PDE3B: variants seen among roughly 807,000 people sequenced by gnomAD.
PDE3B encodes the protein phosphodiesterase 3B.
PDE3B carries 66 observed loss-of-function variants against 116.8 expected under a neutral mutation model. That is an observed-to-expected ratio of 0.56 (90% CI 0.46 to 0.69). The LOEUF (loss-of-function observed/expected upper bound fraction) is 0.69, where lower values mean the gene tolerates loss of function less well. Ranked by LOEUF, PDE3B falls within the 30% of genes least tolerant of loss-of-function variation. The pLI is 0.00. For synonymous variants in PDE3B, 595 were observed against 533.6 expected (o/e 1.12, Z -1.59); for missense variants, 1,384 against 1,368.1 (o/e 1.01, Z -0.18).
At chr11:14,703,081 G>A (rs1353111946) in intron 1 of PDE3B, among the ~76,000 whole-genome samples, 1 of 151,886 alleles carries the variant, frequency 6.6e-6, no homozygotes, top group Admixed American at 6.6e-5. Context: ...TTGACTGAAT[G>A]TGGTGGAGGG....
intron 1 of PDE3B, among the ~76,000 whole-genome samples, chr11:14,752,380 T>G: frequency 6.6e-6 from 1 of 152,252 alleles, no homozygotes; most frequent in Admixed American, 6.5e-5. Context: ...GAAATAAGGC[T>G]TTGTTGTTGT....
At position 14,786,645 on chromosome 11, in the gene PDE3B, T is replaced by TA; in HGVS notation, c.1239dup (p.Glu414ArgfsTer5). ...CCTGGATTTTACCCCTGTTCTGAAA[T>TA]AGAGGACCCAGCTGAGAAAGGGGAT... On this transcript the variant is annotated frameshift_variant, in exon 3 of 16. Transcript: ENST00000282096. LOFTEE classifies it high-confidence loss of function. The TA allele has an allele frequency of 6.2e-7, 1 of 1,612,428 alleles. No homozygotes were observed. The highest frequency in any genetic ancestry group is 1.1e-5 in the South Asian group (1 of 91,034).
intron 11 of PDE3B, among the ~76,000 whole-genome samples, chr11:14,842,530 C>T (rs1038409019): frequency 6.6e-6 from 1 of 152,086 alleles, no homozygotes; most frequent in Non-Finnish European, 1.5e-5. Flanking sequence ...TTACATATAT[C>T]ATTATGCATA....
chr11:14,658,320 A>G lies in PDE3B; in HGVS notation c.978+13267A>G, dbSNP rs772569430. Among the ~76,000 whole-genome samples the G allele has an allele frequency of 2.6e-5, 4 of 152,102 alleles. No homozygotes were observed. In the South Asian group the frequency reaches 8.3e-4, roughly 32 times the overall value. On this transcript the variant is annotated intron_variant, in intron 1 of 15. Coordinates refer to ENST00000282096, the MANE Select transcript of PDE3B (RefSeq NM_000922.4). ...AGAAAAAGCTATTTGAAATTCTGACATCTTTTAGACAACATATATTTTAAT... is the reference window on the plus strand; with the variant it reads ...AGAAAAAGCTATTTGAAATTCTGACGTCTTTTAGACAACATATATTTTAAT...
chr11:14,866,638 C>T (rs1231833027), intron 14 of PDE3B, among the ~76,000 whole-genome samples: 1 of 152,100 alleles, frequency 6.6e-6, no homozygotes, highest in Non-Finnish European at 1.5e-5. Flanking sequence ...GTTGTTTCCT[C>T]AGAGTTATGT....
chr11:14,897,437 C>A, the PDE3B span, among the ~76,000 whole-genome samples: 1 of 152,046 alleles, frequency 6.6e-6, no homozygotes, highest in African/African-American at 2.4e-5. Flanking sequence ...TGTGTCTGAA[C>A]CCCAAACAAT....
chr11:14,679,894 C>T (rs778837429), intron 1 of PDE3B, among the ~76,000 whole-genome samples: 8 of 151,956 alleles, frequency 5.3e-5, no homozygotes, highest in African/African-American at 9.7e-5. Flanking sequence ...GCATGCTGTT[C>T]CACTAGAGTG....
chr11:14,853,512 G>A (rs1847795008), intron 12 of PDE3B, among the ~76,000 whole-genome samples: 1 of 152,212 alleles, frequency 6.6e-6, no homozygotes, highest in South Asian at 2.1e-4. Flanking sequence ...GCACCTGTGA[G>A]ATAAGGACCC....
chr11:14,784,828 A>T (rs1391213922), intron 2 of PDE3B, among the ~76,000 whole-genome samples: 2 of 152,134 alleles, frequency 1.3e-5, no homozygotes, highest in African/African-American at 4.8e-5. Context: ...ATTACCTTGT[A>T]TTGTTAAAGT....
chr11:14,790,694 A>T (rs1382197790), intron 4 of PDE3B, among the ~76,000 whole-genome samples: 1 of 152,136 alleles, frequency 6.6e-6, no homozygotes, highest in Non-Finnish European at 1.5e-5. Context: ...AACAAAATTT[A>T]TGCCTCATAA....
At chr11:14,758,995 C>T (rs540853622) in intron 1 of PDE3B, among the ~76,000 whole-genome samples, 198 of 152,048 alleles carry the variant, frequency 1.3e-3, no homozygotes, top group African/African-American at 4.5e-3. Context: ...TGAATTTTGT[C>T]AAAGGCTTTT....
intron 5 of PDE3B, among the ~76,000 whole-genome samples, chr11:14,811,252 G>C (rs899969881): frequency 5.8e-4 from 88 of 152,210 alleles, no homozygotes; most frequent in Non-Finnish European, 1.1e-3. Flanking sequence ...CCATGCCTAT[G>C]TCCTGAATGG....
intron 1 of PDE3B, among the ~76,000 whole-genome samples, chr11:14,762,633 T>C (rs1226974268): frequency 6.6e-6 from 1 of 152,214 alleles, no homozygotes; most frequent in Non-Finnish European, 1.5e-5. Context: ...GTTGCTTTGC[T>C]CTGTTGAGAA....
intron 12 of PDE3B, among the ~76,000 whole-genome samples, chr11:14,851,453 C>CG (rs1847751130): frequency 6.6e-6 from 1 of 150,740 alleles, no homozygotes; most frequent in Admixed American, 6.6e-5. Context: ...GTGTTGGGGT[C>CG]GGGGGAAGGC....
At chr11:14,674,212 T>C in intron 1 of PDE3B, 1 of 1,252,194 alleles carries the variant, frequency 8.0e-7, no homozygotes, top group Non-Finnish European at 1.2e-6. Flanking sequence ...AGGGGTTTTC[T>C]GTTTGTTCTT....
chr11:14,663,017 A>G lies in PDE3B; in HGVS notation c.978+17964A>G, dbSNP rs940359600. On this transcript the variant is annotated intron_variant, in intron 1 of 15. Transcript: ENST00000282096. ...AAGACACATAATTGTCAGATTCACC[A>G]AAGTTGAAATGAAGGAAAAAATGTT... Among the ~76,000 whole-genome samples the G allele has an allele frequency of 2.4e-3, 360 of 152,116 alleles. 3 individuals carry two copies. The highest frequency in any genetic ancestry group is 8.4e-3 in the African/African-American group (349 of 41,480).
At chr11:14,731,352 G>A (rs751458109) in intron 1 of PDE3B, among the ~76,000 whole-genome samples, 1 of 148,972 alleles carries the variant, frequency 6.7e-6, no homozygotes, top group Non-Finnish European at 1.5e-5. Flanking sequence ...TCCGCGTCCC[G>A]AGTTCACGCC....
In PDE3B at chr11:14,765,032, C is replaced by T. The variant is rs116609783; in HGVS notation, c.979-6905C>T. On this transcript the variant is annotated intron_variant, in intron 1 of 15. Coordinates refer to ENST00000282096, the MANE Select transcript of PDE3B (RefSeq NM_000922.4). ...ATTTATTTTGTTTTTGATTTATGTTCGCTAAACACACACAAAGAGTTAAGT... is the reference window on the plus strand; with the variant it reads ...ATTTATTTTGTTTTTGATTTATGTTTGCTAAACACACACAAAGAGTTAAGT... 1.6e-3 allele frequency among the ~76,000 whole-genome samples: 244 copies of T among 151,852 alleles called. 1 individual carries two copies. Among genetic ancestry groups the T allele is most frequent in the African/African-American group, 5.3e-3 (221 of 41,454 alleles).
chr11:14,894,669 C>A, the PDE3B span, among the ~76,000 whole-genome samples: 1 of 152,148 alleles, frequency 6.6e-6, no homozygotes, highest in Non-Finnish European at 1.5e-5. Context: ...CCCACCCCAC[C>A]ACAGCTCCCC....
Sources: gnomAD v4.1 joint callset for allele counts (sites outside exome capture counted in the v4.1 genomes callset) on GRCh38, gnomAD v4.1.1 for gene constraint, MANE v1.5 for transcripts, NCBI Gene and HGNC (gene_info 2026-07-23, HGNC 2026-07-21) for gene names.